Variants in HCK observed in about 807,000 individuals in gnomAD.
HCK encodes the protein tyrosine-protein kinase HCK.
Under a neutral mutation model 70.4 loss-of-function variants are expected in HCK, and 40 were observed. The ratio of observed to expected loss-of-function variants is 0.57; its 90% CI spans 0.44 to 0.74. The LOEUF (loss-of-function observed/expected upper bound fraction) is 0.74. Ranked by LOEUF, HCK falls within the 30% of genes least tolerant of loss-of-function variation. The pLI, the probability that HCK is intolerant of heterozygous loss-of-function variation, is 0.00. For missense variants in HCK, 568 were observed against 697.2 expected, an observed-to-expected ratio of 0.81 and a Z score of 2.09; for synonymous variants, 245 against 263.2, an observed-to-expected ratio of 0.93 and a Z score of 0.67.
intron 5 of HCK, among the ~76,000 whole-genome samples, chr20:32,078,432 G>A (rs2045659939): frequency 6.6e-6 from 1 of 152,074 alleles, no homozygotes; most frequent in South Asian, 2.1e-4. Flanking sequence ...AGGTAGATGA[G>A]CAACATAGCA....
intron 1 of HCK, among the ~76,000 whole-genome samples, chr20:32,056,105 C>G (rs917826335): frequency 7.9e-5 from 12 of 152,206 alleles, no homozygotes; most frequent in African/African-American, 2.7e-4. Context: ...CACATTTTGA[C>G]CATTGAAAAT....
intron 5 of HCK, among the ~76,000 whole-genome samples, chr20:32,075,514 T>C (rs191230105): frequency 1.3e-5 from 2 of 152,254 alleles, no homozygotes; most frequent in Admixed American, 1.3e-4. Context: ...ATCCCTCATT[T>C]GATTCATTCG....
chr20:32,094,590 G>A (rs571853432), intron 11 of HCK, among the ~76,000 whole-genome samples: 13 of 151,806 alleles, frequency 8.6e-5, no homozygotes, highest in African/African-American at 3.1e-4. Flanking sequence ...CAGGAGGTTA[G>A]GGTGAGAGGA....
chr20:32,085,407 G>T (rs539483292), intron 8 of HCK, among the ~76,000 whole-genome samples: 2 of 152,036 alleles, frequency 1.3e-5, no homozygotes, highest in East Asian at 3.9e-4. Flanking sequence ...CCACCTACTC[G>T]GGAGGCTAAG....
chr20:32,100,860 CAA>C (rs778667680), intron 12 of HCK, among the ~76,000 whole-genome samples: 6 of 152,154 alleles, frequency 3.9e-5, no homozygotes, highest in South Asian at 2.1e-4. Context: ...AAATAACAGA[CAA>C]AGAGTAACTG....
At chr20:32,055,619 G>A (rs1434827173) in intron 1 of HCK, among the ~76,000 whole-genome samples, 1 of 152,124 alleles carries the variant, frequency 6.6e-6, no homozygotes, top group Non-Finnish European at 1.5e-5. Context: ...TTCTAGCAGA[G>A]CAATCTTTTA....
At chr20:32,067,768 G>A (rs984914655) in intron 1 of HCK, among the ~76,000 whole-genome samples, 1 of 152,008 alleles carries the variant, frequency 6.6e-6, no homozygotes, top group African/African-American at 2.4e-5. Flanking sequence ...GTGGCTCTGA[G>A]CCACAGACGG....
At chr20:32,089,109 C>A (rs752347191) in intron 10 of HCK, among the ~76,000 whole-genome samples, 3 of 152,234 alleles carry the variant, frequency 2.0e-5, no homozygotes, top group Non-Finnish European at 4.4e-5. Flanking sequence ...GGCGCAGCAG[C>A]TGGGTTCCAA....
intron 1 of HCK, among the ~76,000 whole-genome samples, chr20:32,069,039 G>T (rs549638938): frequency 6.6e-6 from 1 of 152,306 alleles, no homozygotes; most frequent in East Asian, 1.9e-4. Context: ...GTATCTCTAG[G>T]CTTGTGGGCC....
At chr20:32,079,693 G>T (rs2045679911) in intron 5 of HCK, 81 bp from the exon 6 acceptor site, 1 of 891,506 alleles carries the variant, frequency 1.1e-6, no homozygotes, top group Non-Finnish European at 1.8e-6. Flanking sequence ...CCTGGGACCT[G>T]CATGGCCACA....
chr20:32,058,246 C>G (rs2045303540), intron 1 of HCK, among the ~76,000 whole-genome samples: 1 of 151,460 alleles, frequency 6.6e-6, no homozygotes, highest in Admixed American at 6.6e-5. Flanking sequence ...AAAAATGGAA[C>G]TGAGGCTGGG....
chr20:32,091,823 A>AG (rs1039961136), intron 10 of HCK, among the ~76,000 whole-genome samples: 3 of 145,724 alleles, frequency 2.1e-5, no homozygotes, highest in African/African-American at 7.9e-5. Flanking sequence ...AAAAAAAAAA[A>AG]TTCTTTTTAA....
rs2045923601 is a variant in HCK at position 32,094,787 on chromosome 20, G to GAA, written c.1246+772_1246+773insAA. The stretch of plus-strand genomic sequence containing the variant: ...AAGGAAAGAAAGAAAGAGAGAGAAA[G>GAA]AGAAAGAAAGAAAGAAAGAAAGAAA... On this transcript the variant is annotated intron_variant, in intron 11 of 12. Transcript: ENST00000375852. Among the ~76,000 whole-genome samples the GAA allele has an allele frequency of 2.6e-3, 279 of 105,296 alleles. 4 individuals carry two copies. The highest frequency in any genetic ancestry group is 8.0e-3 in the African/African-American group (199 of 24,984). The allele number at this position is 105,296 out of a possible 152,430, so 69.1% of individuals were successfully genotyped here. A position where few individuals can be genotyped will look rare whatever the true frequency, so the allele number is the denominator to read the frequency against.
chr20:32,071,894 G>T (rs954659919), intron 2 of HCK, 112 bp downstream of exon 2: 2 of 1,321,824 alleles, frequency 1.5e-6, no homozygotes, highest in African/African-American at 1.5e-5. Flanking sequence ...GGGTGAAAGG[G>T]AGCTGACTGG....
chr20:32,093,462 T>C (rs2045890452), intron 10 of HCK, among the ~76,000 whole-genome samples: 2 of 151,312 alleles, frequency 1.3e-5, no homozygotes, highest in South Asian at 4.2e-4. Context: ...GAGTTGAAGG[T>C]GAAAGCTCTT....
chr20:32,074,928 T>G (rs1479146392), intron 5 of HCK, among the ~76,000 whole-genome samples: 3 of 152,196 alleles, frequency 2.0e-5, no homozygotes, highest in Admixed American at 6.5e-5. Context: ...TGACTCTGTC[T>G]TGTGGAAACC....
At chr20:32,065,311 A>T (rs1324802085) in intron 1 of HCK, among the ~76,000 whole-genome samples, 1 of 152,232 alleles carries the variant, frequency 6.6e-6, no homozygotes, top group Admixed American at 6.5e-5. Flanking sequence ...TTCAATCCAG[A>T]GTGTGACCCA....
At position 32,101,501 on chromosome 20, in the gene HCK, G is replaced by A; in HGVS notation, c.1563G>A (p.Gln521=). The A allele has an allele frequency of 6.2e-7, 1 of 1,613,226 alleles. No individual in the cohort carries two copies. The highest frequency in any genetic ancestry group is 8.5e-7 in the Non-Finnish European group (1 of 1,179,672). Reference sequence around the variant, plus strand: ...ACTTCTACACGGCCACAGAGAGCCAGTACCAACAGCAGCCATGATAGGGAG... The same window carrying A: ...ACTTCTACACGGCCACAGAGAGCCAATACCAACAGCAGCCATGATAGGGAG... The change falls in exon 13 of 13, where the codon CAG becomes CAA. Residue 521 remains glutamine (Q), a synonymous_variant. Transcript: ENST00000375852.
At chr20:32,094,748 AGAAAGAAAGAAAGAAG>A (rs1410247168) in intron 11 of HCK, among the ~76,000 whole-genome samples, 107 of 124,988 alleles carry the variant, frequency 8.6e-4, no homozygotes, top group Non-Finnish European at 1.5e-3. Flanking sequence ...AAAGAAAGAA[AGAAAGAAAGAAAGAAG>A]GAAAGAAAGA....
Sources: allele counts gnomAD v4.1 joint callset (sites outside exome capture counted in the v4.1 genomes callset), GRCh38; gene constraint gnomAD v4.1.1; transcripts MANE v1.5; gene names NCBI Gene and HGNC (gene_info 2026-07-23, HGNC 2026-07-21).